MYH15: variants seen among roughly 807,000 people sequenced by gnomAD.
MYH15 encodes myosin-15.
Under a neutral mutation model 240.5 loss-of-function variants are expected in MYH15, and 227 were observed. The ratio of observed to expected loss-of-function variants is 0.94; its 90% CI spans 0.85 to 1.05. MYH15 has a LOEUF of 1.05. Among genes scored for constraint, MYH15 ranks in the 50% least tolerant of loss-of-function variants. The pLI, the probability that MYH15 is intolerant of heterozygous loss-of-function variation, is 0.00. For synonymous variants in MYH15, 785 were observed against 796.7 expected (o/e 0.99, Z 0.25); for missense variants, 2,217 against 2,247.5 (o/e 0.99, Z 0.27).
At chr3:108,512,581 ATGTC>A (rs1382114942), upstream of MYH15, among the ~76,000 whole-genome samples, 3 of 152,188 alleles carry the variant, frequency 2.0e-5, no homozygotes, top group Admixed American at 6.6e-5. Flanking sequence ...TAAGAAATGG[ATGTC>A]TGTCTGAGTA....
chr3:108,403,944 T>C (rs1035783438), intron 33 of MYH15, among the ~76,000 whole-genome samples: 5 of 151,910 alleles, frequency 3.3e-5, no homozygotes, highest in African/African-American at 9.7e-5. Context: ...GGTTTATTTA[T>C]AGGCACAGGT....
chr3:108,481,149 T>C (rs1355909252), intron 11 of MYH15, among the ~76,000 whole-genome samples: 3 of 152,228 alleles, frequency 2.0e-5, no homozygotes, highest in African/African-American at 4.8e-5. Context: ...GACAAAAAGA[T>C]GTTCACATAT....
intron 2 of MYH15, among the ~76,000 whole-genome samples, chr3:108,502,110 C>T (rs2083443070): frequency 6.6e-6 from 1 of 152,154 alleles, no homozygotes; most frequent in Non-Finnish European, 1.5e-5. Flanking sequence ...GTACCCTAAT[C>T]TTATGGCTTC....
At chr3:108,467,018 T>C (rs2083124589) in intron 14 of MYH15, among the ~76,000 whole-genome samples, 1 of 152,132 alleles carries the variant, frequency 6.6e-6, no homozygotes, top group South Asian at 2.1e-4. Flanking sequence ...CCAATAATAC[T>C]AGAAGTTCCT....
chr3:108,540,514 T>C, the MYH15 span, among the ~76,000 whole-genome samples: 1 of 152,168 alleles, frequency 6.6e-6, no homozygotes, highest in Admixed American at 6.5e-5. Context: ...CTATAACGAC[T>C]GATATGATAC....
upstream of MYH15, among the ~76,000 whole-genome samples, chr3:108,511,836 T>C (rs1229135973): frequency 6.6e-6 from 1 of 152,190 alleles, no homozygotes; most frequent in Non-Finnish European, 1.5e-5. Flanking sequence ...CTTAATCTGC[T>C]CTCTTCTTTG....
At position 108,436,493 on chromosome 3, in the gene MYH15, C is replaced by T. The variant is rs574706723; in HGVS notation, c.3221+1061G>A. 1.5e-4 allele frequency among the ~76,000 whole-genome samples: 23 copies of T among 152,314 alleles called. No homozygotes were observed. The South Asian group carries it at 4.8e-3, about 32-fold the overall frequency. ...GATGCTCACAGCTGGTCACTGGACT[C>T]TCTTCCCTCTTTCACTGTGGGCCTC... is the stretch of plus-strand genomic sequence containing the variant. On this transcript the variant is annotated intron_variant, in intron 25 of 40. Coordinates refer to ENST00000693548, the MANE Select transcript of MYH15 (RefSeq NM_014981.3).
chr3:108,492,740 A>G, intron 8 of MYH15, 145 bp from the exon 9 acceptor site: 1 of 616,552 alleles, frequency 1.6e-6, no homozygotes, highest in Non-Finnish European at 2.8e-6. Flanking sequence ...TGAGGCCAGG[A>G]GTTTGAAAAC....
intron 27 of MYH15, among the ~76,000 whole-genome samples, chr3:108,425,013 G>A (rs9845136): frequency 0.075 from 11,421 of 152,230 alleles, 579 homozygotes; most frequent in Non-Finnish European, 0.11. Context: ...TGAAAAATGA[G>A]ACCTAGTTTC....
intron 24 of MYH15, 73 bp from the exon 25 acceptor site, chr3:108,437,772 A>G: frequency 7.2e-7 from 1 of 1,393,086 alleles, no homozygotes; most frequent in Non-Finnish European, 9.3e-7. Context: ...TTCATTAACC[A>G]CTTACCTTCT....
In MYH15 at chr3:108,460,366, A is replaced by G. The variant is rs1324202935; in HGVS notation, c.1866T>C (p.Ala622=). Reference sequence around the variant, plus strand: ...TTCGTTTCTTCTCCCCAAATGGTATAGCTAGCAAAAAAAAAAAAAGAAAAA... The same window carrying G: ...TTCGTTTCTTCTCCCCAAATGGTATGGCTAGCAAAAAAAAAAAAAGAAAAA... ...LFENYMSTDS[A]IPFGEKKRKK... Residue 622 remains alanine, a splice_region_variant and synonymous_variant, in exon 17 of 41, where the codon GCT becomes GCC. Transcript: ENST00000693548. 10 of 1,505,164 alleles carry G rather than the reference A, an allele frequency of 6.6e-6. No individual in the cohort carries two copies. The highest frequency in any genetic ancestry group is 8.9e-6 in the Non-Finnish European group (10 of 1,126,436). The allele number at this position is 1,505,164 out of a possible 1,614,324, so 93.2% of individuals were successfully genotyped here. A position where few individuals can be genotyped will look rare whatever the true frequency, so the allele number is the denominator to read the frequency against.
chr3:108,442,328 C>T (rs371697055), intron 22 of MYH15, among the ~76,000 whole-genome samples: 2 of 152,070 alleles, frequency 1.3e-5, no homozygotes, highest in African/African-American at 4.8e-5. Context: ...CTCAAAGAAG[C>T]ACAGATGGAG....
chr3:108,423,501 C>T (rs1489030076), intron 27 of MYH15, among the ~76,000 whole-genome samples: 2 of 152,200 alleles, frequency 1.3e-5, no homozygotes, highest in Admixed American at 1.3e-4. Flanking sequence ...TGTCCCCACT[C>T]TCCACTCCTA....
chr3:108,533,882 T>G (rs1245902528), upstream of MYH15, among the ~76,000 whole-genome samples: 1 of 152,070 alleles, frequency 6.6e-6, no homozygotes, highest in East Asian at 1.9e-4. Context: ...CTGCAGGGGG[T>G]TTAAATACCT....
At chr3:108,509,934 A>C (rs2083509030) in intron 1 of MYH15, among the ~76,000 whole-genome samples, 1 of 152,096 alleles carries the variant, frequency 6.6e-6, no homozygotes, top group Admixed American at 6.6e-5. Flanking sequence ...GACCCTGCTG[A>C]CCTAGAAGAC....
chr3:108,428,401 C>G, intron 27 of MYH15, 91 bp downstream of exon 27: 1 of 1,420,878 alleles, frequency 7.0e-7, no homozygotes, highest in Non-Finnish European at 9.5e-7. Flanking sequence ...AGTCACTAAG[C>G]TGGCTTATTT....
In MYH15 at chr3:108,484,020, A is replaced by G. The variant is rs537794461; in HGVS notation, c.1114+1071T>C. On this transcript the variant is annotated intron_variant, in intron 11 of 40. Transcript: ENST00000693548. Reference sequence around the variant, plus strand: ...TGGATTACATTGCTAATTACACAACAATGTGAATGTTCTTCATGCCACTGA... The same window carrying G: ...TGGATTACATTGCTAATTACACAACGATGTGAATGTTCTTCATGCCACTGA... Among the ~76,000 whole-genome samples, 5 of 152,368 alleles carry G rather than the reference A, an allele frequency of 3.3e-5. No homozygotes were observed. In the East Asian group the frequency reaches 9.6e-4, roughly 29 times the overall value.
chr3:108,508,759 G>T (rs958799829), intron 1 of MYH15, among the ~76,000 whole-genome samples: 1 of 152,064 alleles, frequency 6.6e-6, no homozygotes, highest in Admixed American at 6.6e-5. Context: ...ATTTTAAATA[G>T]ATCGCTTACA....
intron 24 of MYH15, among the ~76,000 whole-genome samples, chr3:108,439,488 G>A (rs919886552): frequency 2.6e-5 from 4 of 152,170 alleles, no homozygotes; most frequent in Non-Finnish European, 5.9e-5. Context: ...TCATCTTAAT[G>A]TTCTTTTTCC....
Sources: allele counts gnomAD v4.1 joint callset (sites outside exome capture counted in the v4.1 genomes callset), GRCh38; gene constraint gnomAD v4.1.1; transcripts MANE v1.5; gene names NCBI Gene and HGNC (gene_info 2026-07-23, HGNC 2026-07-21).